TSPAN9: variants seen among roughly 807,000 people sequenced by gnomAD.
TSPAN9 encodes tetraspanin-9.
In TSPAN9, 16 loss-of-function variants were observed where a neutral mutation model predicts 31.0. That is an observed-to-expected ratio of 0.52 (90% CI 0.35 to 0.78). The LOEUF is 0.78. TSPAN9 is among the 30% of genes least tolerant of loss of function. The pLI is 0.01. For synonymous variants in TSPAN9, 145 were observed against 121.6 expected, an observed-to-expected ratio of 1.19 and a Z score of -1.27; for missense variants, 272 against 312.5, an observed-to-expected ratio of 0.87 and a Z score of 0.98.
At chr12:3,262,678 G>A (rs3782773) in intron 3 of TSPAN9, among the ~76,000 whole-genome samples, 6,225 of 151,840 alleles carry the variant, frequency 0.041, 146 homozygotes, top group East Asian at 0.1. Context: ...TGACTTAAGA[G>A]CCTCCCCCAG....
chr12:3,154,801 C>T lies in TSPAN9; in HGVS notation c.-17-46376C>T, dbSNP rs2098341424. On this transcript the variant is annotated intron_variant, in intron 2 of 8. Transcript: ENST00000011898. ...ACTCCAGGCCTGAGCAGCTGAGCTGCCTCTCACATGGACCTGCCATGATTC... is the reference window on the plus strand; with the variant it reads ...ACTCCAGGCCTGAGCAGCTGAGCTGTCTCTCACATGGACCTGCCATGATTC... Among the ~76,000 whole-genome samples, 3 of 152,242 alleles carry T rather than the reference C, an allele frequency of 2.0e-5. No homozygotes were observed. In the South Asian group the frequency reaches 6.2e-4, roughly 31 times the overall value.
At chr12:3,190,046 T>C (rs1357392200) in intron 2 of TSPAN9, among the ~76,000 whole-genome samples, 1 of 152,240 alleles carries the variant, frequency 6.6e-6, no homozygotes, top group East Asian at 1.9e-4. Context: ...GCGCTGGTTC[T>C]TCTCCATCTT....
At chr12:3,181,068 T>A (rs993140252) in intron 2 of TSPAN9, among the ~76,000 whole-genome samples, 2 of 119,646 alleles carry the variant, frequency 1.7e-5, no homozygotes, top group African/African-American at 6.5e-5. Flanking sequence ...GAAAGATGGG[T>A]GGGGGGGATG....
chr12:3,109,121 G>C (rs1460799747), intron 2 of TSPAN9, among the ~76,000 whole-genome samples: 2 of 151,672 alleles, frequency 1.3e-5, no homozygotes, highest in Non-Finnish European at 2.9e-5. Flanking sequence ...ATTTTTAGTA[G>C]AGACGGGGGT....
chr12:3,277,300 C>G (rs1471885632), intron 3 of TSPAN9, among the ~76,000 whole-genome samples: 1 of 152,210 alleles, frequency 6.6e-6, no homozygotes, highest in African/African-American at 2.4e-5. Flanking sequence ...CTCCATCTGC[C>G]CCTAGTCCAC....
chr12:3,181,946 G>T (rs1434636603), intron 2 of TSPAN9, among the ~76,000 whole-genome samples: 2 of 152,194 alleles, frequency 1.3e-5, no homozygotes, highest in Non-Finnish European at 1.5e-5. Context: ...CCCACAGTCA[G>T]TGTGTGGACA....
intron 2 of TSPAN9, among the ~76,000 whole-genome samples, chr12:3,184,690 A>G (rs919752477): frequency 6.6e-6 from 1 of 151,704 alleles, no homozygotes; most frequent in Non-Finnish European, 1.5e-5. Context: ...AGCCCCGGGC[A>G]TGTGTGACCC....
chr12:3,230,830 G>A (rs3782809), intron 3 of TSPAN9, among the ~76,000 whole-genome samples: 15,701 of 152,170 alleles, frequency 0.1, 889 homozygotes, highest in Middle Eastern at 0.17. Context: ...TTGTTGGAAG[G>A]CTCACCTGTC....
intron 3 of TSPAN9, among the ~76,000 whole-genome samples, chr12:3,245,352 C>T (rs1862101842): frequency 6.6e-6 from 1 of 152,208 alleles, no homozygotes; most frequent in African/African-American, 2.4e-5. Flanking sequence ...ACTCCTGGGT[C>T]TCCACCCTGA....
chr12:3,189,533 C>T (rs10744599), intron 2 of TSPAN9, among the ~76,000 whole-genome samples: 84,501 of 151,904 alleles, frequency 0.56, 25,306 homozygotes, highest in African/African-American at 0.8. Flanking sequence ...AGCCCAGTCA[C>T]GTGTGACTGG....
At chr12:3,188,610 C>T (rs764529331) in intron 2 of TSPAN9, among the ~76,000 whole-genome samples, 2 of 152,130 alleles carry the variant, frequency 1.3e-5, no homozygotes, top group Non-Finnish European at 2.9e-5. Context: ...CCTGGCCTGG[C>T]TGGGATGTGG....
At chr12:3,132,793 A>C (rs1443512293) in intron 2 of TSPAN9, among the ~76,000 whole-genome samples, 1 of 152,078 alleles carries the variant, frequency 6.6e-6, no homozygotes, top group Non-Finnish European at 1.5e-5. Flanking sequence ...TCCCAGGCTC[A>C]GGTTCTCCCA....
chr12:3,281,640 A>G (rs1036004703), intron 7 of TSPAN9, 94 bp from the exon 8 acceptor site: 12 of 1,413,206 alleles, frequency 8.5e-6, no homozygotes, highest in African/African-American at 8.4e-5. Flanking sequence ...GGTAAGAGCG[A>G]GGACGAGGTG....
intron 2 of TSPAN9, among the ~76,000 whole-genome samples, chr12:3,188,174 G>A (rs1373432444): frequency 1.3e-5 from 2 of 152,154 alleles, no homozygotes; most frequent in Non-Finnish European, 2.9e-5. Context: ...TGCCTCATCT[G>A]TCCCTCATGG....
At chr12:3,113,217 A>T (rs1256357749) in intron 2 of TSPAN9, among the ~76,000 whole-genome samples, 2 of 152,270 alleles carry the variant, frequency 1.3e-5, no homozygotes, top group East Asian at 3.9e-4. Context: ...GGAGAAAGGG[A>T]TGGGGTAAAG....
intron 2 of TSPAN9, among the ~76,000 whole-genome samples, chr12:3,104,340 G>GT (rs57135855): frequency 6.5e-4 from 95 of 146,222 alleles, no homozygotes; most frequent in Non-Finnish European, 7.6e-4. Flanking sequence ...ACTAATAACT[G>GT]TTTTTTTTTT....
Position 3,244,661 on chromosome 12 carries a change from C to T in TSPAN9, c.64-33760C>T, listed in dbSNP as rs57373146. On this transcript the variant is annotated intron_variant, in intron 3 of 8. Coordinates refer to ENST00000011898, the MANE Select transcript of TSPAN9 (RefSeq NM_006675.5). Reference sequence around the variant, plus strand: ...AGCAGGTCCCACCAGATGGCGATCCCCCAGCCACCCCCCTAAAGGGGACCA... The same window carrying T: ...AGCAGGTCCCACCAGATGGCGATCCTCCAGCCACCCCCCTAAAGGGGACCA... 6.2e-3 allele frequency among the ~76,000 whole-genome samples: 950 copies of T among 152,334 alleles called. 11 individuals carry two copies. The highest frequency in any genetic ancestry group is 0.021 in the African/African-American group (878 of 41,570).
intron 2 of TSPAN9, among the ~76,000 whole-genome samples, chr12:3,087,663 G>A (rs1157783520): frequency 6.6e-6 from 1 of 151,968 alleles, no homozygotes; most frequent in African/African-American, 2.4e-5. Flanking sequence ...AAAATTAGCC[G>A]GGCTTGGTGG....
chr12:3,114,122 C>T (rs1437243274), intron 2 of TSPAN9, among the ~76,000 whole-genome samples: 2 of 152,238 alleles, frequency 1.3e-5, no homozygotes, highest in Non-Finnish European at 2.9e-5. Flanking sequence ...AAGGACCTGA[C>T]TGTAAACATG....
Sources: gnomAD v4.1 joint callset for allele counts (sites outside exome capture counted in the v4.1 genomes callset) on GRCh38, gnomAD v4.1.1 for gene constraint, MANE v1.5 for transcripts, NCBI Gene and HGNC (gene_info 2026-07-23, HGNC 2026-07-21) for gene names.